The following RNF121 variants were observed in gnomAD, a reference collection of about 807,000 sequenced individuals.
The protein encoded by RNF121 is ring finger protein 121.
RNF121 carries 21 observed loss-of-function variants against 46.5 expected under a neutral mutation model. The observed-to-expected ratio is 0.45, with a 90% CI of 0.32 to 0.65. The LOEUF (loss-of-function observed/expected upper bound fraction) is 0.65. RNF121 is among the 30% of genes least tolerant of loss of function. The pLI is 0.04. For missense variants in RNF121, 346 were observed against 416.0 expected (o/e 0.83, Z 1.46); for synonymous variants, 139 against 144.7 (o/e 0.96, Z 0.28).
Position 71,995,570 on chromosome 11 carries a change from G to T in RNF121, c.863+19G>T, listed in dbSNP as rs141161587. 3.2e-6 allele frequency: 5 copies of T among 1,549,988 alleles called. No individual in the cohort carries two copies. The highest frequency in any genetic ancestry group is 1.9e-5 in the Admixed American group (1 of 52,680). On this transcript the variant is annotated intron_variant, in intron 8 of 8. Coordinates refer to ENST00000361756, the MANE Select transcript of RNF121 (RefSeq NM_018320.5). ...GCAATCCGTATCCTTTATTGGGGTC[G>T]TTGTTGGGAGTGGGCTGTGGGAAGA...
At chr11:71,929,189 C>G in intron 1 of RNF121, 65 bp downstream of exon 1, 1 of 1,515,270 alleles carries the variant, frequency 6.6e-7, no homozygotes, top group Non-Finnish European at 8.9e-7. Flanking sequence ...AGTGAGGTAT[C>G]GGGAGGTGGG....
Position 71,994,697 on chromosome 11 carries a change from C to T in RNF121, c.628-22C>T, listed in dbSNP as rs776631497. 14 of 1,613,802 alleles carry T rather than the reference C, an allele frequency of 8.7e-6. No homozygotes were observed. The South Asian group carries it at 1.3e-4, about 15-fold the overall frequency. On this transcript the variant is annotated intron_variant, in intron 6 of 8. Transcript: ENST00000361756. ...GCTTCTCACATCTTTTCCTATCTTT[C>T]CTTCCTGCTATTCTCCTTCAGTTCT...
At chr11:71,981,748 C>T (rs1030219205) in intron 3 of RNF121, among the ~76,000 whole-genome samples, 1 of 152,140 alleles carries the variant, frequency 6.6e-6, no homozygotes, top group Non-Finnish European at 1.5e-5. Context: ...GGGAGTCCTA[C>T]TCTAGTTTTA....
chr11:71,965,419 T>C (rs1385831743), intron 3 of RNF121, among the ~76,000 whole-genome samples: 4 of 151,990 alleles, frequency 2.6e-5, no homozygotes, highest in Non-Finnish European at 5.9e-5. Flanking sequence ...CCCAGCTCAT[T>C]TTTGTATTTT....
intron 6 of RNF121, among the ~76,000 whole-genome samples, chr11:71,992,280 G>A (rs959782176): frequency 1.3e-5 from 2 of 152,128 alleles, no homozygotes; most frequent in Non-Finnish European, 2.9e-5. Flanking sequence ...ACCCACAGCC[G>A]CTACAACAAC....
intron 1 of RNF121, among the ~76,000 whole-genome samples, chr11:71,934,980 C>T (rs1286592429): frequency 6.8e-6 from 1 of 147,032 alleles, no homozygotes; most frequent in Non-Finnish European, 1.5e-5. Flanking sequence ...CTTGCTCTGC[C>T]ACTCAGGCTG....
chr11:71,932,099 A>G (rs1953288619), intron 1 of RNF121, among the ~76,000 whole-genome samples: 1 of 152,190 alleles, frequency 6.6e-6, no homozygotes, highest in South Asian at 2.1e-4. Flanking sequence ...TTTCTCTAGA[A>G]GTTGAGACGT....
At chr11:71,963,578 C>T (rs1051044602) in intron 3 of RNF121, among the ~76,000 whole-genome samples, 2 of 152,140 alleles carry the variant, frequency 1.3e-5, no homozygotes, top group Non-Finnish European at 2.9e-5. Flanking sequence ...CAAGATCGCA[C>T]CACTGCACCC....
At chr11:71,969,927 A>G (rs987555703) in intron 3 of RNF121, among the ~76,000 whole-genome samples, 2 of 152,212 alleles carry the variant, frequency 1.3e-5, no homozygotes, top group Admixed American at 6.5e-5. Flanking sequence ...GTAACCTTGT[A>G]TGGAAGAGAG....
chr11:71,952,537 G>A (rs1953905888), intron 1 of RNF121, among the ~76,000 whole-genome samples: 1 of 152,122 alleles, frequency 6.6e-6, no homozygotes, highest in Admixed American at 6.5e-5. Flanking sequence ...GGCCAGGCTC[G>A]GTGGCTCATG....
At chr11:71,953,008 G>T (rs1045146905) in intron 1 of RNF121, among the ~76,000 whole-genome samples, 1 of 152,116 alleles carries the variant, frequency 6.6e-6, no homozygotes, top group Non-Finnish European at 1.5e-5. Flanking sequence ...TATTCCTCTT[G>T]TCTGAGATTT....
chr11:71,956,772 A>G (rs773635802), intron 1 of RNF121, among the ~76,000 whole-genome samples: 154 of 152,228 alleles, frequency 1.0e-3, no homozygotes, highest in Non-Finnish European at 1.9e-3. Context: ...CTTTGCCTGG[A>G]ATGTATTTCT....
At chr11:71,954,777 T>A (rs1953954604) in intron 1 of RNF121, among the ~76,000 whole-genome samples, 1 of 152,234 alleles carries the variant, frequency 6.6e-6, no homozygotes, top group African/African-American at 2.4e-5. Flanking sequence ...TACATAGTTT[T>A]TAACATGATT....
chr11:71,946,355 A>C (rs372713354), intron 1 of RNF121, among the ~76,000 whole-genome samples: 2 of 152,220 alleles, frequency 1.3e-5, no homozygotes, highest in East Asian at 1.9e-4. Context: ...TGATGAGTGA[A>C]AGAAGACAGT....
chr11:71,953,190 C>T (rs548286721), intron 1 of RNF121, among the ~76,000 whole-genome samples: 6 of 152,176 alleles, frequency 3.9e-5, no homozygotes, highest in Non-Finnish European at 8.8e-5. Flanking sequence ...CATGCCACCA[C>T]GCCTGGCTAA....
At chr11:71,940,292 G>C (rs1953535596) in intron 1 of RNF121, among the ~76,000 whole-genome samples, 1 of 152,160 alleles carries the variant, frequency 6.6e-6, no homozygotes, top group Non-Finnish European at 1.5e-5. Flanking sequence ...CAGTTGGAAA[G>C]ATAGTGGCCA....
At chr11:71,967,119 C>T (rs1236893039) in intron 3 of RNF121, among the ~76,000 whole-genome samples, 3 of 150,038 alleles carry the variant, frequency 2.0e-5, no homozygotes, top group African/African-American at 7.3e-5. Context: ...GATCCACCCG[C>T]CTCGGCCTCC....
chr11:71,982,735 C>G (rs752449405), intron 3 of RNF121, 26 bp from the exon 4 acceptor site: 1 of 1,594,054 alleles, frequency 6.3e-7, no homozygotes, highest in African/African-American at 1.3e-5. Flanking sequence ...CTGGCCAGAG[C>G]TGAAGTGCTT....
rs1168227891 is a variant in RNF121 at position 71,975,135 on chromosome 11, C to A, written c.244-7626C>A. Among the ~76,000 whole-genome samples the A allele has an allele frequency of 2.0e-5, 3 of 152,156 alleles. No homozygotes were observed. The East Asian group carries it at 5.8e-4, about 29-fold the overall frequency. ...ACCGGTGAGTGGCAAAATCTCCTAC[C>A]TGGAAATCTTTAAAGTACTGTAGAT... On this transcript the variant is annotated intron_variant, in intron 3 of 8. Transcript: ENST00000361756.
Sources: allele counts gnomAD v4.1 joint callset (sites outside exome capture counted in the v4.1 genomes callset), GRCh38; gene constraint gnomAD v4.1.1; transcripts MANE v1.5; gene names NCBI Gene and HGNC (gene_info 2026-07-23, HGNC 2026-07-21).